Variants in KMT5B observed in about 807,000 individuals in gnomAD.
KMT5B encodes the protein lysine methyltransferase 5B.
Under a neutral mutation model 83.2 loss-of-function variants are expected in KMT5B, and 10 were observed. That is an observed-to-expected ratio of 0.12 (90% CI 0.07 to 0.20). KMT5B has a LOEUF of 0.20. KMT5B is among the 10% of genes least tolerant of loss of function. KMT5B has a pLI of 1.00. For synonymous variants in KMT5B, 349 were observed against 388.8 expected (o/e 0.90, Z 1.20); for missense variants, 753 against 1,067.2 (o/e 0.71, Z 4.10).
At position 68,168,524 on chromosome 11, in the gene KMT5B, C is replaced by T. The variant is rs183720308; in HGVS notation, c.978-1346G>A. ...CTAATTTTTGTATTTTTAGTAGAGACGGGGTTTTGCCATGTTGGCCAGGCT... is the reference window on the plus strand; with the variant it reads ...CTAATTTTTGTATTTTTAGTAGAGATGGGGTTTTGCCATGTTGGCCAGGCT... On this transcript the variant is annotated intron_variant, in intron 9 of 10. Transcript: ENST00000304363. Among the ~76,000 whole-genome samples the T allele has an allele frequency of 1.9e-3, 282 of 152,076 alleles. 1 individual carries two copies. The highest frequency in any genetic ancestry group is 6.0e-3 in the African/African-American group (248 of 41,486).
At chr11:68,207,705 C>A (rs938730522) in intron 1 of KMT5B, among the ~76,000 whole-genome samples, 1 of 149,262 alleles carries the variant, frequency 6.7e-6, no homozygotes, top group East Asian at 2.1e-4. Context: ...GCAGGAGAAT[C>A]GCTTGAACCC....
In KMT5B at chr11:68,194,770, C is replaced by G. The variant is rs189432366; in HGVS notation, c.-76-4618G>C. ...ACAAGAGCCAAAGAAACAGCACTTT[C>G]TGAAAAACAGATGTTCTGTGGCTAT... is the stretch of plus-strand genomic sequence containing the variant. On this transcript the variant is annotated intron_variant, in intron 1 of 10. Coordinates refer to ENST00000304363, the MANE Select transcript of KMT5B (RefSeq NM_017635.5). Among the ~76,000 whole-genome samples the G allele has an allele frequency of 5.6e-4, 85 of 152,302 alleles. 1 individual carries two copies. In the East Asian group the frequency reaches 0.014, roughly 25 times the overall value.
In KMT5B at chr11:68,173,836, T is replaced by G; in HGVS notation, c.621A>C (p.Gln207His). The change falls in exon 6 of 11, where the codon CAA (glutamine) becomes CAC (histidine). Residue 207 changes from glutamine to histidine, a missense_variant. By Grantham distance (24) the Gln-to-His change is conservative (BLOSUM62 0). Around this residue, in one of 9 missense-constraint regions of KMT5B, gnomAD observed 34 missense variants for 172.5 expected, o/e 0.20. Transcript: ENST00000304363. ...ILPCNRYSSEQNGAKIVATKE... is the reference protein window; with the variant it reads ...ILPCNRYSSEHNGAKIVATKE... ...TTGTTGCAACTATTTTGGCTCCATT[T>G]TGTTCTGATGAGTATCTATTACATG... is the stretch of plus-strand genomic sequence containing the variant. The G allele has an allele frequency of 6.2e-7, 1 of 1,611,576 alleles. No homozygotes were observed. Among genetic ancestry groups the G allele is most frequent in the Non-Finnish European group, 8.5e-7 (1 of 1,178,882 alleles).
intron 4 of KMT5B, among the ~76,000 whole-genome samples, chr11:68,176,313 GCAAGA>G (rs1011268017): frequency 6.6e-6 from 1 of 152,270 alleles, no homozygotes; most frequent in South Asian, 2.1e-4. Flanking sequence ...CATGGCCCAA[GCAAGA>G]CAAATTTGTG....
intron 1 of KMT5B, among the ~76,000 whole-genome samples, chr11:68,195,890 C>A (rs1007768709): frequency 1.3e-5 from 2 of 152,184 alleles, no homozygotes; most frequent in Admixed American, 6.5e-5. Context: ...GGTGTGGTGG[C>A]TCATGCCTGT....
chr11:68,172,023 T>C (rs1345995639), intron 6 of KMT5B, among the ~76,000 whole-genome samples: 3 of 152,140 alleles, frequency 2.0e-5, no homozygotes, highest in Middle Eastern at 6.8e-3. Flanking sequence ...CTCAAATACT[T>C]GCGGCAATGA....
chr11:68,171,619 G>A lies in KMT5B; in HGVS notation c.744C>T (p.Asn248=). 1.2e-6 allele frequency: 2 copies of A among 1,613,956 alleles called. No homozygotes were observed. The highest frequency in any genetic ancestry group is 1.7e-6 in the Non-Finnish European group (2 of 1,179,900). ...EENMLLRHGE[N]DFSVMYSTRK... is the part of the protein sequence containing the mutation. ...TTGTGGAGTACATGACACTGAAGTC[G>A]TTTTCTCCATGTCTAAGTAGCATGT... is the stretch of plus-strand genomic sequence containing the variant. The change falls in exon 7 of 11, where the codon AAC becomes AAT. Residue 248 remains asparagine (N), a synonymous_variant. Coordinates refer to ENST00000304363, the MANE Select transcript of KMT5B (RefSeq NM_017635.5). This position sits in a 1 kb window ranked among gnomAD's most constrained non-coding sequence, Gnocchi z 5.1.
rs1456071623 is a variant in KMT5B, at chr11:68,155,528, C to G, written c.*2160G>C. The G allele has an allele frequency of 6.6e-6, 1 of 152,198 alleles. No homozygotes were observed. Among genetic ancestry groups the G allele is most frequent in the East Asian group, 1.9e-4 (1 of 5,200 alleles). The allele number at this position is 152,198 out of a possible 1,614,324, so 9.4% of individuals were successfully genotyped here. A position where few individuals can be genotyped will look rare whatever the true frequency, so the allele number is the denominator to read the frequency against. ...TTTAAGATCGAAATTCCCAAAATAGCTATCGTTGGTATTCAAATAAGGTTT... is the reference window on the plus strand; with the variant it reads ...TTTAAGATCGAAATTCCCAAAATAGGTATCGTTGGTATTCAAATAAGGTTT... On this transcript the variant is annotated 3_prime_UTR_variant, in exon 11 of 11. Transcript: ENST00000304363.
At position 68,171,782 on chromosome 11, in the gene KMT5B, C is replaced by T; in HGVS notation, c.654-73G>A. 1 of 1,233,588 alleles carries T rather than the reference C, an allele frequency of 8.1e-7. No homozygotes were observed. Among genetic ancestry groups the T allele is most frequent in the South Asian group, 1.5e-5 (1 of 68,608 alleles). The allele number at this position is 1,233,588 out of a possible 1,614,324, so 76.4% of individuals were successfully genotyped here. On this transcript the variant is annotated intron_variant, in intron 6 of 10. Transcript: ENST00000304363. This position sits in a 1 kb window ranked among gnomAD's most constrained non-coding sequence, Gnocchi z 5.1. ...GTAAGGCTTCTTTTAATAAAATAAT[C>T]CTGACAATAAATATCAGAAACTGAA...
intron 10 of KMT5B, chr11:68,164,747 CT>C: frequency 2.1e-6 from 1 of 483,272 alleles, no homozygotes; most frequent in Non-Finnish European, 4.1e-6. Flanking sequence ...GTACACCTTT[CT>C]TCTGTAATGC....
intron 2 of KMT5B, 59 bp downstream of exon 2, chr11:68,189,858 G>A: frequency 6.7e-7 from 1 of 1,503,544 alleles, no homozygotes; most frequent in Non-Finnish European, 9.0e-7. Context: ...ATTACAAACT[G>A]GAAAGAATTA....
At chr11:68,193,782 G>A (rs1403144244) in intron 1 of KMT5B, among the ~76,000 whole-genome samples, 1 of 150,910 alleles carries the variant, frequency 6.6e-6, no homozygotes, top group Admixed American at 6.6e-5. Context: ...AAAAGGCATA[G>A]AATTGAACAG....
chr11:68,213,432 G>A (rs1219160570), upstream of KMT5B: 4 of 135,700 alleles, frequency 2.9e-5, no homozygotes, highest in Non-Finnish European at 6.5e-5. Context: ...TCGGCTCGCT[G>A]CGCCCCCGGC....
intron 9 of KMT5B, among the ~76,000 whole-genome samples, chr11:68,170,677 C>T (rs1443409697): frequency 2.0e-5 from 3 of 152,204 alleles, no homozygotes; most frequent in Non-Finnish European, 2.9e-5. Flanking sequence ...CTCCACTTGA[C>T]ATTTTGAGTA....
At chr11:68,172,160 T>G (rs1366586818) in intron 6 of KMT5B, among the ~76,000 whole-genome samples, 1 of 152,164 alleles carries the variant, frequency 6.6e-6, no homozygotes, top group Non-Finnish European at 1.5e-5. Flanking sequence ...AAGCCAAATT[T>G]TCAATCTTAA....
chr11:68,168,028 T>C (rs920561184), intron 9 of KMT5B, among the ~76,000 whole-genome samples: 4 of 152,064 alleles, frequency 2.6e-5, no homozygotes, highest in African/African-American at 4.8e-5. Context: ...AAAAAAAAAT[T>C]AGCCCGGCGT....
rs1169391517 is a variant in KMT5B at position 68,158,860 on chromosome 11, G to A, written c.1486C>T (p.Pro496Ser). ...ACTGCGGCTTGGGCTGGTCCCTCTGGCTCCTTATCTTTTTTAATGGGCAAA... is the reference window on the plus strand; with the variant it reads ...ACTGCGGCTTGGGCTGGTCCCTCTGACTCCTTATCTTTTTTAATGGGCAAA... ...KNLPIKKDKE[P>S]EGPAQAAVAS... Residue 496 changes from proline (P) to serine (S), a missense_variant, in exon 11 of 11, where the codon CCA (proline) becomes TCA (serine). By Grantham distance (74) the Pro-to-Ser change is moderately conservative. Around this residue, in one of 9 missense-constraint regions of KMT5B, gnomAD observed 397 missense variants for 395.9 expected, o/e 1.00. Transcript: ENST00000304363. 3 of 1,613,966 alleles carry A rather than the reference G, an allele frequency of 1.9e-6. No homozygotes were observed. In the African/African-American group the frequency reaches 4.0e-5, roughly 22 times the overall value.
chr11:68,159,734 T>C (rs1854688639), intron 10 of KMT5B, among the ~76,000 whole-genome samples: 1 of 152,230 alleles, frequency 6.6e-6, no homozygotes, highest in Non-Finnish European at 1.5e-5. Flanking sequence ...ATTATCACTC[T>C]GAAAAGTACA....
intron 1 of KMT5B, among the ~76,000 whole-genome samples, chr11:68,203,556 C>A (rs1365670869): frequency 6.6e-6 from 1 of 152,200 alleles, no homozygotes; most frequent in Non-Finnish European, 1.5e-5. Context: ...AGAAGCCCTG[C>A]AAAGCTATCA....
Sources: allele counts gnomAD v4.1 joint callset (sites outside exome capture counted in the v4.1 genomes callset), GRCh38; gene constraint gnomAD v4.1.1; regional missense constraint gnomAD v4.1.1; non-coding constraint Gnocchi (gnomAD v3.1); transcripts MANE v1.5; gene names NCBI Gene and HGNC (gene_info 2026-07-23, HGNC 2026-07-21).